Variants in RAB38 observed in about 807,000 individuals in gnomAD.
RAB38 encodes the protein RAB38, member RAS oncogene family.
In RAB38, 15 loss-of-function variants were observed where a neutral mutation model predicts 18.4. That is an observed-to-expected ratio of 0.82 (90% CI 0.55 to 1.26). RAB38 has a LOEUF of 1.26. RAB38 is among the 50% of genes most tolerant of loss of function. The pLI is 0.00. For missense variants in RAB38, 294 were observed against 267.4 expected (o/e 1.10, Z -0.69); for synonymous variants, 101 against 104.4 (o/e 0.97, Z 0.20).
the RAB38 span, among the ~76,000 whole-genome samples, chr11:87,977,853 AGT>A: frequency 8.9e-6 from 1 of 112,658 alleles, no homozygotes; most frequent in South Asian, 2.7e-4. Flanking sequence ...ATTAATGGAT[AGT>A]AATATACTTA....
chr11:88,049,082 G>C, the RAB38 span, among the ~76,000 whole-genome samples: 1 of 151,982 alleles, frequency 6.6e-6, no homozygotes, highest in Non-Finnish European at 1.5e-5. Flanking sequence ...TCCCACTCTA[G>C]GTTCCCACGC....
chr11:87,946,852 T>A, the RAB38 span, among the ~76,000 whole-genome samples: 5 of 152,194 alleles, frequency 3.3e-5, no homozygotes, highest in African/African-American at 9.7e-5. Flanking sequence ...TATAAACATA[T>A]GTGTGCATGT....
the RAB38 span, among the ~76,000 whole-genome samples, chr11:87,974,621 A>G: frequency 6.6e-6 from 1 of 151,824 alleles, no homozygotes; most frequent in Non-Finnish European, 1.5e-5. Flanking sequence ...GTAAGCCTAC[A>G]CACCCAAGAA....
At chr11:88,166,449 G>T (rs1360317005) in intron 1 of RAB38, 1 of 151,972 alleles carries the variant, frequency 6.6e-6, no homozygotes, top group Non-Finnish European at 1.5e-5. Flanking sequence ...TTGTGTTCTG[G>T]TTCTAATTCT....
At chr11:87,875,750 C>T in the RAB38 span, among the ~76,000 whole-genome samples, 1 of 151,382 alleles carries the variant, frequency 6.6e-6, no homozygotes, top group Non-Finnish European at 1.5e-5. Context: ...AGCTCAATAA[C>T]ATTTTATTTT....
In RAB38 at chr11:88,113,927, A is replaced by C. The variant is rs544976678; in HGVS notation, c.*61T>G. The C allele has an allele frequency of 6.3e-7, 1 of 1,597,374 alleles. No homozygotes were observed. Among genetic ancestry groups the C allele is most frequent in the East Asian group, 2.2e-5 (1 of 44,758 alleles). On this transcript the variant is annotated 3_prime_UTR_variant, in exon 3 of 3. Coordinates refer to ENST00000243662, the MANE Select transcript of RAB38 (RefSeq NM_022337.3). ...CTGACGTTTACCCAAAATGGTAAAA[A>C]TAGAGGCACAATTTGTGGAACAATG...
the RAB38 span, among the ~76,000 whole-genome samples, chr11:87,857,400 A>C: frequency 1.3e-5 from 2 of 152,164 alleles, no homozygotes; most frequent in Non-Finnish European, 2.9e-5. Context: ...GGCTGGGTCA[A>C]ATGGTATTTC....
chr11:87,886,981 G>C, the RAB38 span, among the ~76,000 whole-genome samples: 2 of 151,878 alleles, frequency 1.3e-5, no homozygotes, highest in Non-Finnish European at 2.9e-5. Flanking sequence ...TGAAGTAAAA[G>C]CCCGAGAGTA....
chr11:88,048,646 T>C, the RAB38 span, among the ~76,000 whole-genome samples: 2 of 152,176 alleles, frequency 1.3e-5, no homozygotes, highest in East Asian at 3.9e-4. Flanking sequence ...CAACTTGGAC[T>C]GTGCCCCAAA....
the RAB38 span, among the ~76,000 whole-genome samples, chr11:87,971,922 G>GT: frequency 6.6e-3 from 896 of 135,134 alleles, 2 homozygotes; most frequent in African/African-American, 0.021. Context: ...GTGTAAAAGC[G>GT]TTTTTTTTTT....
Position 88,124,927 on chromosome 11 carries a change from A to G in RAB38, c.484-10787T>C, listed in dbSNP as rs1942676384. On this transcript the variant is annotated intron_variant, in intron 2 of 2. Coordinates refer to ENST00000243662, the MANE Select transcript of RAB38 (RefSeq NM_022337.3). The stretch of plus-strand genomic sequence containing the variant: ...CAAAGGCTTTACAATCCATGCTTTA[A>G]TTTGCTACGCAATAAGTTATGTGAC... Among the ~76,000 whole-genome samples the G allele has an allele frequency of 2.0e-5, 3 of 152,190 alleles. No homozygotes were observed. In the South Asian group the frequency reaches 6.2e-4, roughly 32 times the overall value.
the RAB38 span, among the ~76,000 whole-genome samples, chr11:87,837,731 C>G: frequency 1.3e-5 from 2 of 152,284 alleles, no homozygotes; most frequent in East Asian, 3.9e-4. Context: ...AACTAAGGGA[C>G]TTTTGCTCCA....
the RAB38 span, among the ~76,000 whole-genome samples, chr11:87,898,538 C>G: frequency 6.6e-6 from 1 of 151,678 alleles, no homozygotes; most frequent in East Asian, 2.0e-4. Flanking sequence ...TGGTTTTGTT[C>G]ATCATTGTAT....
chr11:87,884,296 C>T, the RAB38 span, among the ~76,000 whole-genome samples: 1 of 152,032 alleles, frequency 6.6e-6, no homozygotes, highest in East Asian at 2.0e-4. Context: ...AAGAAATGCT[C>T]CCTGAAGTAA....
chr11:88,153,593 T>C (rs369297419), intron 1 of RAB38, among the ~76,000 whole-genome samples: 3 of 152,110 alleles, frequency 2.0e-5, no homozygotes, highest in East Asian at 3.9e-4. Flanking sequence ...TCAATGTCTC[T>C]CTCCCCAAAT....
chr11:88,130,116 G>C (rs982637875), intron 2 of RAB38, among the ~76,000 whole-genome samples: 3 of 152,122 alleles, frequency 2.0e-5, no homozygotes, highest in Non-Finnish European at 4.4e-5. Flanking sequence ...TCACAGATGG[G>C]AAACAGTCCA....
At chr11:88,145,639 C>T (rs1942976134) in intron 2 of RAB38, among the ~76,000 whole-genome samples, 1 of 151,990 alleles carries the variant, frequency 6.6e-6, no homozygotes, top group East Asian at 1.9e-4. Flanking sequence ...AAGAGAAGGG[C>T]AGGGTCTTTA....
At chr11:88,082,081 C>G in the RAB38 span, among the ~76,000 whole-genome samples, 1 of 151,708 alleles carries the variant, frequency 6.6e-6, no homozygotes, top group Non-Finnish European at 1.5e-5. Context: ...AAAATCAGAT[C>G]GGTAGTTGCC....
At chr11:88,159,569 CTCAACT>C (rs1433850356) in intron 1 of RAB38, among the ~76,000 whole-genome samples, 2 of 151,954 alleles carry the variant, frequency 1.3e-5, no homozygotes, top group Non-Finnish European at 2.9e-5. Flanking sequence ...CATCACATTA[CTCAACT>C]TCAAACTATA....
Sources: gnomAD v4.1 joint callset for allele counts (sites outside exome capture counted in the v4.1 genomes callset) on GRCh38, gnomAD v4.1.1 for gene constraint, MANE v1.5 for transcripts, NCBI Gene and HGNC (gene_info 2026-07-23, HGNC 2026-07-21) for gene names.